CD302: variants seen among roughly 807,000 people sequenced by gnomAD.
CD302 encodes the protein CD302 molecule.
A neutral mutation model predicts 26.5 loss-of-function variants in CD302; 23 were observed. That is an observed-to-expected ratio of 0.87 (90% confidence interval 0.62 to 1.23). The LOEUF is 1.23. Among genes scored for constraint, CD302 ranks in the 50% most tolerant of loss-of-function variants. The probability of loss-of-function intolerance (pLI) is 0.00; values close to 1 mark genes in which losing one functional copy is unlikely to be tolerated. For missense variants in CD302, 290 were observed against 275.5 expected, an observed-to-expected ratio of 1.05 and a Z score of -0.37; for synonymous variants, 90 against 99.4, an observed-to-expected ratio of 0.91 and a Z score of 0.56.
intron 5 of CD302, among the ~76,000 whole-genome samples, chr2:159,775,687 AC>A (rs1708293075): frequency 6.6e-6 from 1 of 152,212 alleles, no homozygotes; most frequent in South Asian, 2.1e-4. Context: ...AGCATTAAGT[AC>A]ATTCACTTCG....
At chr2:159,781,773 G>A (rs1708519254) in intron 2 of CD302, among the ~76,000 whole-genome samples, 1 of 152,058 alleles carries the variant, frequency 6.6e-6, no homozygotes, top group African/African-American at 2.4e-5. Flanking sequence ...TTTTCACAGA[G>A]CCAATGTTCA....
In CD302 at chr2:159,770,226, T is replaced by C. The variant is rs1426949483; in HGVS notation, c.*1625A>G. 6.6e-6 allele frequency: 1 copy of C among 152,128 alleles called. No individual in the cohort carries two copies. Among genetic ancestry groups the C allele is most frequent in the East Asian group, 1.9e-4 (1 of 5,198 alleles). The allele number at this position is 152,128 out of a possible 1,614,324, so 9.4% of individuals were successfully genotyped here. ...TAGTGTTCAATATTGACATTAGTAA[T>C]AGTCTATCAATAATAAAATAGACAT... On this transcript the variant is annotated 3_prime_UTR_variant, in exon 6 of 6. Coordinates refer to ENST00000259053, the MANE Select transcript of CD302 (RefSeq NM_014880.5).
At chr2:159,795,840 T>C (rs1708941079) in intron 1 of CD302, among the ~76,000 whole-genome samples, 1 of 152,252 alleles carries the variant, frequency 6.6e-6, no homozygotes, top group African/African-American at 2.4e-5. Context: ...CCCTAGATTC[T>C]GATCCACATG....
intron 5 of CD302, among the ~76,000 whole-genome samples, chr2:159,774,454 T>C (rs72965353): frequency 6.6e-6 from 1 of 152,168 alleles, no homozygotes; most frequent in African/African-American, 2.4e-5. Context: ...GAACTATACA[T>C]AATCCACCTC....
chr2:159,770,551 G>C lies in CD302; in HGVS notation c.*1300C>G, dbSNP rs980847665. The stretch of plus-strand genomic sequence containing the variant: ...CAGAAGAAAGTAAGATAATTGATGG[G>C]GTGTGGATTCAGAAGAGGGATTACT... On this transcript the variant is annotated 3_prime_UTR_variant, in exon 6 of 6. Coordinates refer to ENST00000259053, the MANE Select transcript of CD302 (RefSeq NM_014880.5). 3.3e-5 allele frequency: 5 copies of C among 152,216 alleles called. No homozygotes were observed. The highest frequency in any genetic ancestry group is 1.2e-4 in the African/African-American group (5 of 41,536). The allele number at this position is 152,216 out of a possible 1,614,324, so 9.4% of individuals were successfully genotyped here. A position where few individuals can be genotyped will look rare whatever the true frequency, so the allele number is the denominator to read the frequency against.
At chr2:159,791,436 G>A (rs1708804319) in intron 1 of CD302, among the ~76,000 whole-genome samples, 1 of 152,214 alleles carries the variant, frequency 6.6e-6, no homozygotes, top group South Asian at 2.1e-4. Flanking sequence ...ACTATGGGTA[G>A]TCATTCTTCT....
At position 159,797,783 on chromosome 2, in the gene CD302, C is replaced by T. The variant is rs138498395; in HGVS notation, c.67+349G>A. On this transcript the variant is annotated intron_variant, in intron 1 of 5. Coordinates refer to ENST00000259053, the MANE Select transcript of CD302 (RefSeq NM_014880.5). ...CGCTTCTCATTTCAGCCCGAAATTG[C>T]CCTGAAACGGCGCCCGTCGTGCGAC... is the stretch of plus-strand genomic sequence containing the variant. Among the ~76,000 whole-genome samples the T allele has an allele frequency of 7.9e-4, 121 of 152,326 alleles. 1 individual carries two copies. Among genetic ancestry groups the T allele is most frequent in the African/African-American group, 2.7e-3 (113 of 41,576 alleles).
At chr2:159,792,882 C>T (rs1010600418) in intron 1 of CD302, among the ~76,000 whole-genome samples, 6 of 152,182 alleles carry the variant, frequency 3.9e-5, no homozygotes, top group Admixed American at 6.5e-5. Flanking sequence ...AACCCCTTTT[C>T]TCATGCTATA....
chr2:159,775,577 T>TATC lies in CD302; in HGVS notation c.496+2358_496+2360dup, dbSNP rs1708289552. On this transcript the variant is annotated intron_variant, in intron 5 of 5. Transcript: ENST00000259053. ...AACTACTACTGTTGCTTCAGCTATT[T>TATC]ATCTGTCTCCATGTCTAAATAACAT... Among the ~76,000 whole-genome samples, 5 of 152,340 alleles carry TATC rather than the reference T, an allele frequency of 3.3e-5. No individual in the cohort carries two copies. The South Asian group carries it at 1.0e-3, about 32-fold the overall frequency.
At position 159,771,834 on chromosome 2, in the gene CD302, G is replaced by A. The variant is rs745334268; in HGVS notation, c.*17C>T. On this transcript the variant is annotated 3_prime_UTR_variant, in exon 6 of 6. Transcript: ENST00000259053. Reference sequence around the variant, plus strand: ...CAGGGCATTTTGTTGATGTCTTAGTGCAAGATTACCAAAAACTTAGTCAAA... The same window carrying A: ...CAGGGCATTTTGTTGATGTCTTAGTACAAGATTACCAAAAACTTAGTCAAA... 7 of 1,612,720 alleles carry A rather than the reference G, an allele frequency of 4.3e-6. No homozygotes were observed. The Admixed American group carries it at 1.0e-4, about 23-fold the overall frequency.
chr2:159,795,467 C>G (rs1436175811), intron 1 of CD302, among the ~76,000 whole-genome samples: 1 of 152,182 alleles, frequency 6.6e-6, no homozygotes, highest in Non-Finnish European at 1.5e-5. Flanking sequence ...GGTAAAATCT[C>G]TGTTATGGAG....
At position 159,777,406 on chromosome 2, in the gene CD302, C is replaced by T. The variant is rs567917164; in HGVS notation, c.496+532G>A. Among the ~76,000 whole-genome samples the T allele has an allele frequency of 1.2e-4, 19 of 152,270 alleles. No individual in the cohort carries two copies. The South Asian group carries it at 2.3e-3, about 18-fold the overall frequency. On this transcript the variant is annotated intron_variant, in intron 5 of 5. Transcript: ENST00000259053. ...GAACATGGAGCAAATGGAACTTGGA[C>T]GCACTGCCAGTAGTAACATGATTCA...
Position 159,770,911 on chromosome 2 carries a change from T to G in CD302, c.*940A>C, listed in dbSNP as rs1708126563. 1 of 152,204 alleles carries G rather than the reference T, an allele frequency of 6.6e-6. No homozygotes were observed. The highest frequency in any genetic ancestry group is 1.5e-5 in the Non-Finnish European group (1 of 68,014). The allele number at this position is 152,204 out of a possible 1,614,324, so 9.4% of individuals were successfully genotyped here. A position where few individuals can be genotyped will look rare whatever the true frequency, so the allele number is the denominator to read the frequency against. On this transcript the variant is annotated 3_prime_UTR_variant, in exon 6 of 6. Coordinates refer to ENST00000259053, the MANE Select transcript of CD302 (RefSeq NM_014880.5). ...ATTCTTTATCTTTCCTGTTTTTGGT[T>G]TATTGATGGTGAGGAAAATTACTCG...
chr2:159,771,875 A>C lies in CD302; in HGVS notation c.675T>G (p.Asn225Lys), dbSNP rs770078065. 1 of 1,613,930 alleles carries C rather than the reference A, an allele frequency of 6.2e-7. No individual in the cohort carries two copies. The highest frequency in any genetic ancestry group is 8.5e-7 in the Non-Finnish European group (1 of 1,179,874). ...CTTAGTCAAATTGAACAGGATATTC[A>C]TTTTCTTCTCCAACTACCAAAACAC... ...EDCVLVVGEENEYPVQFD is the reference protein window; with the variant it reads ...EDCVLVVGEEKEYPVQFD The change falls in exon 6 of 6, where the codon AAT (asparagine) becomes AAG (lysine). Residue 225 changes from asparagine (N) to lysine (K), a missense_variant. Transcript: ENST00000259053.
intron 1 of CD302, among the ~76,000 whole-genome samples, chr2:159,794,307 A>AAATAAAATAAT (rs1553795860): frequency 7.1e-5 from 4 of 56,668 alleles, no homozygotes; most frequent in African/African-American, 2.2e-4. Context: ...TAAAATAATA[A>AAATAAAATAAT]AAAAAAAAAC....
At chr2:159,778,072 AATAT>A (rs1708392901) in intron 4 of CD302, 108 bp from the exon 5 acceptor site, 1 of 168,576 alleles carries the variant, frequency 5.9e-6, no homozygotes, top group Non-Finnish European at 1.0e-5. Flanking sequence ...TTAGTAGCTT[AATAT>A]CAATATATTC....
At chr2:159,778,527 T>C (rs1456558907) in intron 4 of CD302, among the ~76,000 whole-genome samples, 2 of 152,184 alleles carry the variant, frequency 1.3e-5, no homozygotes, top group African/African-American at 4.8e-5. Flanking sequence ...GATCCTGCTG[T>C]AGCAAGTAAA....
At chr2:159,772,172 ACT>A in intron 5 of CD302, 119 bp from the exon 6 acceptor site, 3 of 1,244,332 alleles carry the variant, frequency 2.4e-6, no homozygotes, top group Non-Finnish European at 3.3e-6. Context: ...AATTTCCCAC[ACT>A]GATGAGAAAA....
intron 1 of CD302, among the ~76,000 whole-genome samples, chr2:159,797,046 TGTCAC>T (rs1323618385): frequency 2.0e-5 from 3 of 152,166 alleles, no homozygotes; most frequent in African/African-American, 7.2e-5. Flanking sequence ...AGGCAGCAGA[TGTCAC>T]AACCAGTCAT....
Sources: gnomAD v4.1 joint callset for allele counts (sites outside exome capture counted in the v4.1 genomes callset) on GRCh38, gnomAD v4.1.1 for gene constraint, MANE v1.5 for transcripts, NCBI Gene and HGNC (gene_info 2026-07-23, HGNC 2026-07-21) for gene names.